Variants in USP44 observed in about 807,000 individuals in gnomAD.
USP44 encodes ubiquitin specific peptidase 44.
Under a neutral mutation model 69.0 loss-of-function variants are expected in USP44, and 61 were observed. The observed-to-expected ratio is 0.88, with a 90% CI of 0.72 to 1.09. The LOEUF (loss-of-function observed/expected upper bound fraction) is 1.09, where lower values mean the gene tolerates loss of function less well. USP44 is among the 50% of genes least tolerant of loss of function. The probability of loss-of-function intolerance (pLI) is 0.00; values close to 1 mark genes in which losing one functional copy is unlikely to be tolerated. For synonymous variants in USP44, 297 were observed against 295.4 expected (o/e 1.01, Z -0.06); for missense variants, 753 against 849.9 (o/e 0.89, Z 1.42).
intron 3 of USP44, among the ~76,000 whole-genome samples, chr12:95,527,961 C>T (rs1351348536): frequency 6.6e-6 from 1 of 151,742 alleles, no homozygotes; most frequent in Admixed American, 6.6e-5. Context: ...GCCTCAGCCT[C>T]CCGAGTAGCT....
At chr12:95,549,561 A>G (rs1216685042) in intron 1 of USP44, among the ~76,000 whole-genome samples, 1 of 152,162 alleles carries the variant, frequency 6.6e-6, no homozygotes, top group Non-Finnish European at 1.5e-5. Context: ...CTGAACCTAT[A>G]CTCAATGACA....
intron 3 of USP44, 81 bp downstream of exon 3, chr12:95,528,726 A>G: frequency 7.1e-7 from 1 of 1,417,522 alleles, no homozygotes; most frequent in Non-Finnish European, 9.5e-7. Flanking sequence ...TAACTGCTAA[A>G]GATTTCTTTC....
At chr12:95,538,218 C>A (rs1300271176) in intron 1 of USP44, among the ~76,000 whole-genome samples, 1 of 152,140 alleles carries the variant, frequency 6.6e-6, no homozygotes, top group Non-Finnish European at 1.5e-5. Context: ...ACTATGTGAC[C>A]ATAAATTACG....
At position 95,516,844 on chromosome 12, in the gene USP44, G is replaced by A. The variant is rs1450923950; in HGVS notation, c.*1310C>T. On this transcript the variant is annotated 3_prime_UTR_variant, in exon 6 of 6. Transcript: ENST00000258499. Reference sequence around the variant, plus strand: ...CACTAGTGGTGAACAGCATTCTACAGGATACTATCTTTCACTAAGACTTCA... The same window carrying A: ...CACTAGTGGTGAACAGCATTCTACAAGATACTATCTTTCACTAAGACTTCA... 1.3e-5 allele frequency: 2 copies of A among 148,482 alleles called. No individual in the cohort carries two copies. Among genetic ancestry groups the A allele is most frequent in the African/African-American group, 5.0e-5 (2 of 40,040 alleles). The allele number at this position is 148,482 out of a possible 1,614,324, so 9.2% of individuals were successfully genotyped here.
intron 1 of USP44, among the ~76,000 whole-genome samples, chr12:95,540,015 C>T (rs2077337201): frequency 6.6e-6 from 1 of 152,182 alleles, no homozygotes; most frequent in Non-Finnish European, 1.5e-5. Context: ...CCTTTGTAAC[C>T]TACAACCCAC....
At position 95,533,895 on chromosome 12, in the gene USP44, C is replaced by T. The variant is rs752047341; in HGVS notation, c.362G>A (p.Arg121Gln). The T allele has an allele frequency of 5.0e-6, 8 of 1,614,114 alleles. No homozygotes were observed. The highest frequency in any genetic ancestry group is 2.2e-5 in the South Asian group (2 of 91,082). The change falls in exon 2 of 6, where the codon CGG becomes CAG. Residue 121 changes from arginine to glutamine, a missense_variant. Arg to Gln is a conservative substitution (Grantham distance 43). Transcript: ENST00000258499. ...HCTTRSGRFL[R>Q]SMGTGDDSYF... ...AGAATCATCACCTGTACCCATGGAC[C>T]GTAAAAACCTCCCACTACGAGTTGT...
Position 95,533,796 on chromosome 12 carries a change from C to T in USP44, c.461G>A (p.Arg154Lys). The T allele has an allele frequency of 6.2e-7, 1 of 1,614,112 alleles. No individual in the cohort carries two copies. The highest frequency in any genetic ancestry group is 1.1e-5 in the South Asian group (1 of 91,086). Residue 154 changes from arginine (R) to lysine (K), a missense_variant, in exon 2 of 6, where the codon AGA (arginine) becomes AAA (lysine). Coordinates refer to ENST00000258499, the MANE Select transcript of USP44 (RefSeq NM_032147.5). The stretch of plus-strand genomic sequence containing the variant: ...AAAGATTTTACCCATTAGTATCCTT[C>T]TCCTGTGCCAAAGAGCAGTATACAG... The part of the protein sequence containing the change: ...DQLYTALWHR[R>K]RILMGKIFRT...
rs1386503581 is a variant in USP44 at position 95,517,058 on chromosome 12, G to GTAT, written c.*1093_*1095dup. On this transcript the variant is annotated 3_prime_UTR_variant, in exon 6 of 6. Coordinates refer to ENST00000258499, the MANE Select transcript of USP44 (RefSeq NM_032147.5). Reference sequence around the variant, plus strand: ...AAGAAGAAAAAGAGTGACTCACACTGTATTTTTTTTTGTGCAAGTTTAGAT... The same window carrying GTAT: ...AAGAAGAAAAAGAGTGACTCACACTGTATTATTTTTTTTTGTGCAAGTTTAGAT... 7.2e-6 allele frequency: 1 copy of GTAT among 139,776 alleles called. No homozygotes were observed. Among genetic ancestry groups the GTAT allele is most frequent in the Non-Finnish European group, 1.5e-5 (1 of 65,994 alleles). 8.7% of individuals were successfully genotyped at this position (139,776 alleles called of 1,614,324 possible).
intron 1 of USP44, chr12:95,546,353 A>C (rs1193203396): frequency 1.3e-5 from 2 of 152,154 alleles, no homozygotes; most frequent in African/African-American, 4.8e-5. Context: ...GACGTGTAAA[A>C]CTCCATTAAA....
intron 4 of USP44, among the ~76,000 whole-genome samples, chr12:95,522,457 C>CT (rs2076695526): frequency 6.6e-6 from 1 of 152,058 alleles, no homozygotes; most frequent in Non-Finnish European, 1.5e-5. Flanking sequence ...GATACATCTC[C>CT]TAAAATTTTT....
chr12:95,519,356 A>G lies in USP44; in HGVS notation c.1940-1003T>C, dbSNP rs917004720. On this transcript the variant is annotated intron_variant, in intron 5 of 5. Coordinates refer to ENST00000258499, the MANE Select transcript of USP44 (RefSeq NM_032147.5). ...GGGTCCCATCCTTACAATACCTCAT[A>G]ATGTCTATGCAAAAAAATCCAAAAT... Among the ~76,000 whole-genome samples the G allele has an allele frequency of 2.6e-5, 4 of 151,906 alleles. No homozygotes were observed. In the East Asian group the frequency reaches 5.8e-4, roughly 22 times the overall value.
In USP44 at chr12:95,533,774, G is replaced by T; in HGVS notation, c.483C>A (p.Ile161=). ...WHRRRILMGK[I]FRTWFEQSPI... is the part of the protein sequence containing the mutation. Reference sequence around the variant, plus strand: ...GTGATTGTTCAAACCATGTTCGAAAGATTTTACCCATTAGTATCCTTCTCC... The same window carrying T: ...GTGATTGTTCAAACCATGTTCGAAATATTTTACCCATTAGTATCCTTCTCC... The change falls in exon 2 of 6, where the codon ATC becomes ATA. Residue 161 remains isoleucine (I), a synonymous_variant. Transcript: ENST00000258499. 6.2e-7 allele frequency: 1 copy of T among 1,614,054 alleles called. No homozygotes were observed. Among genetic ancestry groups the T allele is most frequent in the Non-Finnish European group, 8.5e-7 (1 of 1,180,034 alleles).
At chr12:95,540,342 C>CTT (rs61446138) in intron 1 of USP44, among the ~76,000 whole-genome samples, 5,354 of 130,074 alleles carry the variant, frequency 0.041, 320 homozygotes, top group African/African-American at 0.12. Context: ...TTCCATCCAT[C>CTT]TTTTTTTTTT....
chr12:95,532,843 G>A lies in USP44; in HGVS notation c.1414C>T (p.Gln472Ter), dbSNP rs1209369945. 1 of 1,583,750 alleles carries A rather than the reference G, an allele frequency of 6.3e-7. No individual in the cohort carries two copies. The highest frequency in any genetic ancestry group is 1.9e-5 in the Admixed American group (1 of 53,222). ...AAAATCCATACCTGACTAAGAAGTT[G>A]TCCATGAAAAATGTTATTTACAACA... ...LNVVNNIFHG[Q>*]LLSQVTCLAC... Residue 472 changes from glutamine to a stop codon, truncating the protein, a stop_gained, in exon 2 of 6, where the codon CAA becomes TAA. Coordinates refer to ENST00000258499, the MANE Select transcript of USP44 (RefSeq NM_032147.5). LOFTEE classifies it high-confidence loss of function.
At chr12:95,541,355 C>T (rs1426321134) in intron 1 of USP44, among the ~76,000 whole-genome samples, 2 of 152,056 alleles carry the variant, frequency 1.3e-5, no homozygotes, top group African/African-American at 4.8e-5. Flanking sequence ...ATTTGGGAGG[C>T]CAAAGTGGGC....
chr12:95,549,228 C>G (rs1459087126), intron 1 of USP44, among the ~76,000 whole-genome samples: 1 of 152,210 alleles, frequency 6.6e-6, no homozygotes, highest in Non-Finnish European at 1.5e-5. Flanking sequence ...TTCCCCAATT[C>G]ACTGGCATAG....
chr12:95,536,659 C>T (rs1331715788), intron 1 of USP44, among the ~76,000 whole-genome samples: 1 of 152,112 alleles, frequency 6.6e-6, no homozygotes. Flanking sequence ...CAGCCTGATC[C>T]AAGCTACAAT....
chr12:95,540,821 C>T (rs889768513), intron 1 of USP44, among the ~76,000 whole-genome samples: 5 of 152,182 alleles, frequency 3.3e-5, no homozygotes. Context: ...CATACTATCC[C>T]ACCAAATTAA....
chr12:95,541,146 G>A (rs2077376129), intron 1 of USP44, among the ~76,000 whole-genome samples: 2 of 152,190 alleles, frequency 1.3e-5, no homozygotes, highest in African/African-American at 4.8e-5. Context: ...GGGCATGGTG[G>A]CAGGTGCCTG....
Sources: gnomAD v4.1 joint callset for allele counts (sites outside exome capture counted in the v4.1 genomes callset) on GRCh38, gnomAD v4.1.1 for gene constraint, MANE v1.5 for transcripts, NCBI Gene and HGNC (gene_info 2026-07-23, HGNC 2026-07-21) for gene names.